Variants in ACER3 observed in about 807,000 individuals in gnomAD.
ACER3 encodes alkaline ceramidase 3, also known as alkCDase 3.
Under a neutral mutation model 48.9 loss-of-function variants are expected in ACER3, and 16 were observed. The observed-to-expected ratio is 0.33, with a 90% confidence interval of 0.22 to 0.50. The LOEUF (loss-of-function observed/expected upper bound fraction) is 0.50. Ranked by LOEUF, ACER3 falls within the 20% of genes least tolerant of loss-of-function variation. ACER3 has a pLI of 0.98. For missense variants in ACER3, 227 were observed against 326.0 expected, an observed-to-expected ratio of 0.70 and a Z score of 2.34; for synonymous variants, 109 against 107.8, an observed-to-expected ratio of 1.01 and a Z score of -0.07.
intron 1 of ACER3, among the ~76,000 whole-genome samples, chr11:76,878,807 C>G (rs1487079294): frequency 2.0e-5 from 3 of 152,002 alleles, no homozygotes; most frequent in Non-Finnish European, 4.4e-5. Flanking sequence ...TTTAGGTGCT[C>G]CACATCCCCA....
intron 2 of ACER3, chr11:76,955,395 A>C (rs1374517046): frequency 2.6e-5 from 4 of 152,334 alleles, no homozygotes; most frequent in Non-Finnish European, 5.9e-5. Flanking sequence ...CTGCCGTAAC[A>C]AAATACCATA....
intron 2 of ACER3, among the ~76,000 whole-genome samples, chr11:76,932,147 GC>G (rs1947019767): frequency 6.6e-6 from 1 of 151,806 alleles, no homozygotes. Flanking sequence ...ACAGGATTTC[GC>G]CATGTTGCCC....
chr11:77,002,738 T>C (rs1555020111), intron 7 of ACER3, among the ~76,000 whole-genome samples: 1 of 152,164 alleles, frequency 6.6e-6, no homozygotes, highest in Admixed American at 6.5e-5. Flanking sequence ...AATCTGTTTT[T>C]TGGGGCATTT....
At chr11:76,961,864 G>C (rs1023263236) in intron 3 of ACER3, among the ~76,000 whole-genome samples, 1 of 149,040 alleles carries the variant, frequency 6.7e-6, no homozygotes, top group Non-Finnish European at 1.5e-5. Context: ...TATTTACATA[G>C]TTTCAAAGTA....
chr11:76,898,196 G>C (rs1945983656), intron 1 of ACER3, among the ~76,000 whole-genome samples: 1 of 152,108 alleles, frequency 6.6e-6, no homozygotes, highest in African/African-American at 2.4e-5. Context: ...TCAATACAGT[G>C]CATAAGTTAA....
At chr11:77,015,868 G>A (rs1411203127) in intron 8 of ACER3, among the ~76,000 whole-genome samples, 1 of 152,128 alleles carries the variant, frequency 6.6e-6, no homozygotes, top group Non-Finnish European at 1.5e-5. Context: ...AGCACTCTGG[G>A]AGGCCGAGGG....
chr11:76,914,113 C>T (rs1275956952), intron 1 of ACER3, among the ~76,000 whole-genome samples: 1 of 152,116 alleles, frequency 6.6e-6, no homozygotes, highest in Non-Finnish European at 1.5e-5. Context: ...AAAACCTAGG[C>T]AATAGCATTC....
chr11:77,006,076 G>C (rs1263815359), intron 7 of ACER3, among the ~76,000 whole-genome samples: 1 of 145,332 alleles, frequency 6.9e-6, no homozygotes, highest in Non-Finnish European at 1.5e-5. Context: ...TGCAACCTCT[G>C]CCTCTCGGGT....
intron 1 of ACER3, among the ~76,000 whole-genome samples, chr11:76,922,890 T>C (rs542758973): frequency 2.3e-4 from 35 of 152,316 alleles, no homozygotes; most frequent in African/African-American, 7.9e-4. Context: ...TGGTACTTAA[T>C]AGGCTCAGCA....
rs567506719 is a variant in ACER3 at position 76,969,856 on chromosome 11, T to A, written c.268-6433T>A. Reference sequence around the variant, plus strand: ...ATATACCTAATGCTAAATGACGAGTTAATGGGTGCAGCACACCAACATGGC... The same window carrying A: ...ATATACCTAATGCTAAATGACGAGTAAATGGGTGCAGCACACCAACATGGC... On this transcript the variant is annotated intron_variant, in intron 3 of 10. Coordinates refer to ENST00000532485, the MANE Select transcript of ACER3 (RefSeq NM_018367.7). 2.3e-4 allele frequency among the ~76,000 whole-genome samples: 35 copies of A among 150,450 alleles called. 1 individual carries two copies. In the South Asian group the frequency reaches 7.4e-3, roughly 32 times the overall value.
intron 6 of ACER3, among the ~76,000 whole-genome samples, chr11:76,995,930 T>G (rs555521288): frequency 1.3e-5 from 2 of 152,314 alleles, no homozygotes; most frequent in Admixed American, 1.3e-4. Context: ...TGATTTTTCT[T>G]TTAAACTATA....
intron 1 of ACER3, among the ~76,000 whole-genome samples, chr11:76,893,358 A>G (rs887273746): frequency 6.6e-6 from 1 of 152,212 alleles, no homozygotes; most frequent in Non-Finnish European, 1.5e-5. Flanking sequence ...TGACCAAGCA[A>G]GACCCCATCT....
At chr11:76,914,203 C>A (rs1281178791) in intron 1 of ACER3, among the ~76,000 whole-genome samples, 1 of 152,152 alleles carries the variant, frequency 6.6e-6, no homozygotes, top group Non-Finnish European at 1.5e-5. Context: ...CAAATGAGAT[C>A]TAATTAAACT....
intron 1 of ACER3, among the ~76,000 whole-genome samples, chr11:76,915,710 A>C (rs977895320): frequency 2.0e-5 from 3 of 152,252 alleles, no homozygotes; most frequent in Admixed American, 1.3e-4. Flanking sequence ...ATTGACTCAC[A>C]GTTCCACATG....
chr11:77,017,479 A>G (rs1949393815), intron 9 of ACER3, among the ~76,000 whole-genome samples: 1 of 152,216 alleles, frequency 6.6e-6, no homozygotes, highest in South Asian at 2.1e-4. Context: ...AGCAAAACGC[A>G]AACAAATGAA....
At chr11:76,969,583 G>T (rs908281982) in intron 3 of ACER3, among the ~76,000 whole-genome samples, 1 of 151,808 alleles carries the variant, frequency 6.6e-6, no homozygotes, top group African/African-American at 2.4e-5. Flanking sequence ...AAGAAAATAT[G>T]GCACATACAC....
At chr11:76,892,923 C>T (rs1353315650) in intron 1 of ACER3, among the ~76,000 whole-genome samples, 1 of 152,166 alleles carries the variant, frequency 6.6e-6, no homozygotes, top group Admixed American at 6.5e-5. Context: ...CCTGAAGACT[C>T]TACCGAAAGC....
chr11:76,909,767 T>A (rs985480613), intron 1 of ACER3, among the ~76,000 whole-genome samples: 28 of 152,288 alleles, frequency 1.8e-4, no homozygotes, highest in African/African-American at 6.5e-4. Context: ...ATCCCATTAC[T>A]GGGTATGTAC....
chr11:76,935,381 T>C (rs1565187043), intron 2 of ACER3, among the ~76,000 whole-genome samples: 1 of 152,160 alleles, frequency 6.6e-6, no homozygotes, highest in South Asian at 2.1e-4. Context: ...AATATGTATA[T>C]TGAAAGGTCC....
Sources: allele counts gnomAD v4.1 joint callset (sites outside exome capture counted in the v4.1 genomes callset), GRCh38; gene constraint gnomAD v4.1.1; transcripts MANE v1.5; gene names NCBI Gene and HGNC (gene_info 2026-07-23, HGNC 2026-07-21).